MAP3K20: variants seen among roughly 807,000 people sequenced by gnomAD.
The protein encoded by MAP3K20 is mitogen-activated protein kinase kinase kinase 20.
MAP3K20 carries 40 observed loss-of-function variants against 85.7 expected under a neutral mutation model. The observed-to-expected ratio is 0.47, with a 90% CI of 0.36 to 0.61. The LOEUF (loss-of-function observed/expected upper bound fraction) is 0.61, where lower values mean the gene tolerates loss of function less well. Ranked by LOEUF, MAP3K20 falls within the 20% of genes least tolerant of loss-of-function variation. MAP3K20 has a pLI of 0.00. For missense variants in MAP3K20, 817 were observed against 961.7 expected, an observed-to-expected ratio of 0.85 and a Z score of 1.99; for synonymous variants, 325 against 327.7, an observed-to-expected ratio of 0.99 and a Z score of 0.09.
At position 173,266,604 on chromosome 2, in the gene MAP3K20, G is replaced by A. The variant is rs1172632761; in HGVS notation, c.2257G>A (p.Asp753Asn). The A allele has an allele frequency of 6.2e-7, 1 of 1,613,874 alleles. No homozygotes were observed. The highest frequency in any genetic ancestry group is 8.5e-7 in the Non-Finnish European group (1 of 1,179,984). Reference protein sequence around the residue: ...IPGMPLHPETDSRASEEDSKV... With the variant: ...IPGMPLHPETNSRASEEDSKV... ...AGGGATGCCTTTGCACCCTGAGACT[G>A]ACTCAAGAGCCAGTGAAGAGGACAG... is the stretch of plus-strand genomic sequence containing the variant. The change falls in exon 20 of 20, where the codon GAC becomes AAC. Residue 753 changes from aspartate to asparagine, a missense_variant. Physicochemically the swap from Asp to Asn is conservative, Grantham distance 23 (BLOSUM62 1). Transcript: ENST00000375213.
At chr2:173,240,526 G>C (rs932680793) in intron 16 of MAP3K20, among the ~76,000 whole-genome samples, 4 of 152,212 alleles carry the variant, frequency 2.6e-5, no homozygotes, top group African/African-American at 9.7e-5. Context: ...CAAAAGATCT[G>C]CATAGGGATT....
intron 2 of MAP3K20, among the ~76,000 whole-genome samples, chr2:173,158,687 A>C (rs1395437382): frequency 6.6e-6 from 1 of 152,226 alleles, no homozygotes; most frequent in Non-Finnish European, 1.5e-5. Flanking sequence ...ATTGATTATA[A>C]AGGAAGGAGA....
At chr2:173,178,455 C>T (rs1690231250) in intron 3 of MAP3K20, among the ~76,000 whole-genome samples, 1 of 152,062 alleles carries the variant, frequency 6.6e-6, no homozygotes. Context: ...ACCAGCCTGG[C>T]CATCATAGCG....
intron 3 of MAP3K20, among the ~76,000 whole-genome samples, chr2:173,178,339 C>A (rs758450147): frequency 2.0e-5 from 3 of 152,062 alleles, no homozygotes; most frequent in African/African-American, 4.8e-5. Context: ...TCTGAATAGA[C>A]CTATAATTTA....
intron 2 of MAP3K20, 141 bp downstream of exon 2, chr2:173,091,331 A>G: frequency 1.3e-6 from 1 of 776,350 alleles, no homozygotes; most frequent in Non-Finnish European, 1.9e-6. Context: ...CCCAATTTCC[A>G]TTCTGGGAGC....
intron 16 of MAP3K20, among the ~76,000 whole-genome samples, chr2:173,253,521 G>T (rs998574941): frequency 6.6e-6 from 1 of 152,062 alleles, no homozygotes; most frequent in Non-Finnish European, 1.5e-5. Context: ...TTAATGTATG[G>T]TTTTTTTCCA....
chr2:173,259,901 G>A (rs1246189454), intron 17 of MAP3K20, among the ~76,000 whole-genome samples: 2 of 152,190 alleles, frequency 1.3e-5, no homozygotes, highest in African/African-American at 4.8e-5. Context: ...TTGTAAAACT[G>A]AATATAAGTG....
At chr2:173,253,056 T>C (rs1320411708) in intron 16 of MAP3K20, among the ~76,000 whole-genome samples, 1 of 152,154 alleles carries the variant, frequency 6.6e-6, no homozygotes, top group Non-Finnish European at 1.5e-5. Flanking sequence ...ACCCAAATGA[T>C]TCACAGCCCC....
At chr2:173,259,083 G>T (rs1009269938) in intron 17 of MAP3K20, among the ~76,000 whole-genome samples, 3 of 152,054 alleles carry the variant, frequency 2.0e-5, no homozygotes, top group African/African-American at 7.2e-5. Context: ...ATTTCTTTAT[G>T]CTTACTCTGC....
At chr2:173,181,084 T>A (rs1205690003) in intron 3 of MAP3K20, among the ~76,000 whole-genome samples, 1 of 152,174 alleles carries the variant, frequency 6.6e-6, no homozygotes, top group African/African-American at 2.4e-5. Flanking sequence ...TGAATAGATA[T>A]TTTGCTTAAG....
rs978661670 is a variant in MAP3K20, at chr2:173,262,021, A to G, written c.1551+884A>G. ...GAGACAGTGAGACCCCTGTCTCCAG[A>G]AAAAAAAAAAAATACTGAAAGATAT... On this transcript the variant is annotated intron_variant, in intron 18 of 19. Coordinates refer to ENST00000375213, the MANE Select transcript of MAP3K20 (RefSeq NM_016653.3). 3.8e-5 allele frequency among the ~76,000 whole-genome samples: 3 copies of G among 78,696 alleles called. No homozygotes were observed. The Admixed American group carries it at 3.9e-4, about 10-fold the overall frequency. The allele number at this position is 78,696 out of a possible 152,430, so 51.6% of individuals were successfully genotyped here. A position where few individuals can be genotyped will look rare whatever the true frequency, so the allele number is the denominator to read the frequency against.
At chr2:173,229,775 A>G (rs776536472) in intron 12 of MAP3K20, 42 bp downstream of exon 12, 2 of 1,609,458 alleles carry the variant, frequency 1.2e-6, no homozygotes, top group Non-Finnish European at 1.7e-6. Context: ...TTGAGCAGGT[A>G]TTTCATAAAT....
chr2:173,145,344 T>G (rs4344898), intron 2 of MAP3K20, among the ~76,000 whole-genome samples: 67,406 of 152,104 alleles, frequency 0.44, 17,392 homozygotes, highest in South Asian at 0.68. Context: ...TGCAATCTAC[T>G]GACTGGGAGA....
At chr2:173,185,882 T>C (rs904839613) in intron 4 of MAP3K20, among the ~76,000 whole-genome samples, 5 of 152,092 alleles carry the variant, frequency 3.3e-5, no homozygotes, top group African/African-American at 1.2e-4. Flanking sequence ...TCCCCAAAAG[T>C]CTCCTCAGTT....
intron 12 of MAP3K20, 94 bp from the exon 13 acceptor site, chr2:173,232,098 T>G (rs779551226): frequency 7.6e-6 from 11 of 1,454,080 alleles, no homozygotes; most frequent in Admixed American, 5.3e-5. Context: ...GAATTAAAGT[T>G]ATTTTGATCT....
intron 2 of MAP3K20, among the ~76,000 whole-genome samples, chr2:173,102,036 A>G (rs1559231544): frequency 6.6e-6 from 1 of 152,214 alleles, no homozygotes; most frequent in Admixed American, 6.5e-5. Context: ...GGGGCCATAT[A>G]CAACAAATCT....
At chr2:173,099,189 G>A (rs1398262368) in intron 2 of MAP3K20, among the ~76,000 whole-genome samples, 1 of 151,900 alleles carries the variant, frequency 6.6e-6, no homozygotes, top group East Asian at 1.9e-4. Flanking sequence ...AATGGCAAAT[G>A]TACATGAAAC....
intron 1 of MAP3K20, among the ~76,000 whole-genome samples, chr2:173,089,547 A>G (rs1687233706): frequency 6.6e-6 from 1 of 152,064 alleles, no homozygotes; most frequent in African/African-American, 2.4e-5. Flanking sequence ...TTTTTTATCC[A>G]GAATCCAGTG....
At chr2:173,237,377 G>A (rs1304833912) in intron 14 of MAP3K20, among the ~76,000 whole-genome samples, 1 of 152,044 alleles carries the variant, frequency 6.6e-6, no homozygotes, top group Non-Finnish European at 1.5e-5. Flanking sequence ...GCCTGACCAT[G>A]GCTCCCTTCT....
Sources: allele counts gnomAD v4.1 joint callset (sites outside exome capture counted in the v4.1 genomes callset), GRCh38; gene constraint gnomAD v4.1.1; transcripts MANE v1.5; gene names NCBI Gene and HGNC (gene_info 2026-07-23, HGNC 2026-07-21).